The following LINGO2 variants were observed in gnomAD, a reference collection of about 807,000 sequenced individuals.
LINGO2 encodes the protein leucine rich repeat and Ig domain containing 2.
Under a neutral mutation model 30.6 loss-of-function variants are expected in LINGO2, and 14 were observed. That is an observed-to-expected ratio of 0.46 (90% confidence interval 0.30 to 0.72). The LOEUF is 0.72. Among genes scored for constraint, LINGO2 ranks in the 30% least tolerant of loss-of-function variants. LINGO2 has a pLI of 0.07. For synonymous variants in LINGO2, 317 were observed against 288.5 expected (o/e 1.10, Z -1.00); for missense variants, 729 against 751.7 (o/e 0.97, Z 0.35).
chr9:28,985,018 C>T, the LINGO2 span, among the ~76,000 whole-genome samples: 2 of 152,170 alleles, frequency 1.3e-5, no homozygotes, highest in African/African-American at 2.4e-5. Flanking sequence ...ACCATTATCT[C>T]CCCACTGCCT....
intron 1 of LINGO2, among the ~76,000 whole-genome samples, chr9:28,477,111 G>T (rs1197132453): frequency 1.3e-5 from 2 of 152,080 alleles, no homozygotes; most frequent in South Asian, 2.1e-4. Context: ...CTATAATGAG[G>T]AAAAAAATGC....
At chr9:28,859,561 AT>A in the LINGO2 span, among the ~76,000 whole-genome samples, 1 of 151,864 alleles carries the variant, frequency 6.6e-6, no homozygotes, top group Non-Finnish European at 1.5e-5. Context: ...TGATTCCCTA[AT>A]TTTTTGTCAC....
At chr9:28,865,561 T>C in the LINGO2 span, among the ~76,000 whole-genome samples, 1 of 152,052 alleles carries the variant, frequency 6.6e-6, no homozygotes, top group Non-Finnish European at 1.5e-5. Context: ...GGCGGGAGGA[T>C]CATGAGGTCA....
chr9:28,034,062 TCCTC>T (rs1374411868), intron 4 of LINGO2, among the ~76,000 whole-genome samples: 1 of 152,196 alleles, frequency 6.6e-6, no homozygotes, highest in African/African-American at 2.4e-5. Flanking sequence ...TCTCGGGCCC[TCCTC>T]CCTGTCTAGG....
At chr9:29,103,427 A>G in the LINGO2 span, among the ~76,000 whole-genome samples, 2 of 152,058 alleles carry the variant, frequency 1.3e-5, no homozygotes, top group African/African-American at 4.8e-5. Context: ...TTTATTGGTG[A>G]GTGATCATTT....
the LINGO2 span, among the ~76,000 whole-genome samples, chr9:28,757,431 C>A: frequency 6.6e-6 from 1 of 151,946 alleles, no homozygotes; most frequent in Admixed American, 6.6e-5. Flanking sequence ...TAATGTTGAG[C>A]ACACTGAATT....
chr9:28,226,634 GGAAAGAAGGAAAGAAAGAAAGAAAGAAA>G (rs1329223059), intron 4 of LINGO2, among the ~76,000 whole-genome samples: 896 of 83,162 alleles, frequency 0.011, 14 homozygotes, highest in East Asian at 0.034. Flanking sequence ...AAGGAAAGAA[GGAAAGAAGGAAAGAAAGAAAGAAAGAAA>G]GAAAGAAAGA....
chr9:28,168,385 A>G (rs1828491204), intron 4 of LINGO2, among the ~76,000 whole-genome samples: 2 of 152,336 alleles, frequency 1.3e-5, no homozygotes, highest in South Asian at 4.1e-4. Context: ...AGCAACAGGA[A>G]GGCTTCTTCA....
the LINGO2 span, among the ~76,000 whole-genome samples, chr9:28,749,816 A>C: frequency 4.6e-5 from 7 of 152,080 alleles, no homozygotes; most frequent in African/African-American, 1.7e-4. Flanking sequence ...TGTCCTGATA[A>C]AATAAAGCTC....
chr9:27,942,079 C>T, the LINGO2 span: 3 of 152,142 alleles, frequency 2.0e-5, no homozygotes, highest in Non-Finnish European at 4.4e-5. Context: ...TTTAACTCCA[C>T]AAAAGTAGAA....
Position 28,312,155 on chromosome 9 carries a change from C to CTTTTTAT in LINGO2, c.-245-16790_-245-16789insATAAAAA, listed in dbSNP as rs1554703782. On this transcript the variant is annotated intron_variant, in intron 3 of 5. Transcript: ENST00000379992. ...AGATGTTTTAGATGTTTTCTTTTTT[C>CTTTTTAT]TTTTTTTTGTATCCAGATACCAATA... is the stretch of plus-strand genomic sequence containing the variant. 3.9e-3 allele frequency among the ~76,000 whole-genome samples: 565 copies of CTTTTTAT among 143,318 alleles called. 9 individuals carry two copies. The highest frequency in any genetic ancestry group is 0.013 in the African/African-American group (528 of 39,686). 94.0% of individuals were successfully genotyped at this position (143,318 alleles called of 152,430 possible). A position where few individuals can be genotyped will look rare whatever the true frequency, so the allele number is the denominator to read the frequency against.
the LINGO2 span, among the ~76,000 whole-genome samples, chr9:28,824,412 G>C: frequency 6.6e-6 from 1 of 152,158 alleles, no homozygotes; most frequent in Non-Finnish European, 1.5e-5. Context: ...AAGTTAATCA[G>C]CCTCAGATGC....
the LINGO2 span, among the ~76,000 whole-genome samples, chr9:28,792,830 A>G: frequency 6.6e-6 from 1 of 152,110 alleles, no homozygotes; most frequent in South Asian, 2.1e-4. Context: ...TCCTCATGCT[A>G]TGCATTCTTT....
At position 27,960,030 on chromosome 9, in the gene LINGO2, C is replaced by T. The variant is rs564410708; in HGVS notation, c.-35-9324G>A. On this transcript the variant is annotated intron_variant, in intron 5 of 5. Transcript: ENST00000379992. ...TCCATATTTGTATCTAGTAATGTTC[C>T]TTGTTTTTAAGTCATCTTTGTTGGG... is the stretch of plus-strand genomic sequence containing the variant. 1.4e-4 allele frequency among the ~76,000 whole-genome samples: 21 copies of T among 151,818 alleles called. No individual in the cohort carries two copies. The South Asian group carries it at 4.4e-3, about 32-fold the overall frequency.
chr9:29,181,508 A>G, the LINGO2 span, among the ~76,000 whole-genome samples: 1 of 152,240 alleles, frequency 6.6e-6, no homozygotes, highest in East Asian at 1.9e-4. Context: ...AAGTATAAAT[A>G]TCAGTCAGAC....
rs201075855 is a variant in LINGO2 at position 28,243,640 on chromosome 9, C to CA, written c.-87+51567dup. Among the ~76,000 whole-genome samples the CA allele has an allele frequency of 1.2e-3, 176 of 150,118 alleles. 2 individuals carry two copies. In the East Asian group the frequency reaches 0.021, roughly 18 times the overall value. The stretch of plus-strand genomic sequence containing the variant: ...AGCAACAAACAAACAAACAAACAAA[C>CA]AAAAAAACAAAAAAAACGGGTTGGA... On this transcript the variant is annotated intron_variant, in intron 4 of 5. Transcript: ENST00000379992.
chr9:28,163,610 T>A (rs1307045635), intron 4 of LINGO2, among the ~76,000 whole-genome samples: 1 of 152,162 alleles, frequency 6.6e-6, no homozygotes, highest in South Asian at 2.1e-4. Flanking sequence ...TTCAATGACT[T>A]TTTTAGTTGC....
intron 2 of LINGO2, among the ~76,000 whole-genome samples, chr9:28,459,793 G>A (rs1194688339): frequency 2.0e-5 from 3 of 151,852 alleles, no homozygotes; most frequent in African/African-American, 7.3e-5. Flanking sequence ...TATTTATACC[G>A]TTAAGTAATA....
chr9:28,025,056 A>G (rs1008899309), intron 4 of LINGO2, among the ~76,000 whole-genome samples: 1 of 152,164 alleles, frequency 6.6e-6, no homozygotes, highest in African/African-American at 2.4e-5. Context: ...TCTTTCACTC[A>G]ATTACTTTCA....
Sources: allele counts gnomAD v4.1 joint callset (sites outside exome capture counted in the v4.1 genomes callset), GRCh38; gene constraint gnomAD v4.1.1; transcripts MANE v1.5; gene names NCBI Gene and HGNC (gene_info 2026-07-23, HGNC 2026-07-21).